The following SYTL2 variants were observed in gnomAD, a reference collection of about 807,000 sequenced individuals.
SYTL2 encodes the protein synaptotagmin like 2.
Under a neutral mutation model 198.7 loss-of-function variants are expected in SYTL2, and 165 were observed. That is an observed-to-expected ratio of 0.83 (90% confidence interval 0.73 to 0.94). SYTL2 has a LOEUF of 0.94. Among genes scored for constraint, SYTL2 ranks in the 40% least tolerant of loss-of-function variants. The pLI, the probability that SYTL2 is intolerant of heterozygous loss-of-function variation, is 0.00. For synonymous variants in SYTL2, 966 were observed against 917.7 expected, an observed-to-expected ratio of 1.05 and a Z score of -0.95; for missense variants, 2,835 against 2,582.8, an observed-to-expected ratio of 1.10 and a Z score of -2.12.
intron 13 of SYTL2, among the ~76,000 whole-genome samples, chr11:85,709,753 G>A (rs1176780745): frequency 1.3e-5 from 2 of 152,082 alleles, no homozygotes; most frequent in Admixed American, 6.5e-5. Flanking sequence ...CTTGATCTCG[G>A]CTCACTGCAA....
At chr11:85,777,154 T>A (rs2092465638) in intron 1 of SYTL2, among the ~76,000 whole-genome samples, 1 of 152,230 alleles carries the variant, frequency 6.6e-6, no homozygotes, top group African/African-American at 2.4e-5. Context: ...GTGGACATTC[T>A]TTAGTCACCT....
At chr11:85,792,526 TA>T (rs1426866754) in intron 1 of SYTL2, among the ~76,000 whole-genome samples, 3 of 151,890 alleles carry the variant, frequency 2.0e-5, no homozygotes, top group Non-Finnish European at 2.9e-5. Context: ...TTGGAAACAA[TA>T]AACCAGTAAG....
chr11:85,734,029 A>G lies in SYTL2; in HGVS notation c.1300T>C (p.Ser434Pro). 6.2e-7 allele frequency: 1 copy of G among 1,613,996 alleles called. No homozygotes were observed. ...TTGATGGTTGGTGAATTCTCCATAG[A>G]CTGTGGTCTTGCAGTTAAAACTTCT... is the stretch of plus-strand genomic sequence containing the variant. ...HSEVLTARPQ[S>P]MENSPTINEP... The change falls in exon 7 of 20, where the codon TCT (serine) becomes CCT (proline). Residue 434 changes from serine (S) to proline (P), a missense_variant. Transcript: ENST00000359152.
At chr11:85,744,695 A>T (rs886539855) in intron 4 of SYTL2, among the ~76,000 whole-genome samples, 1 of 152,204 alleles carries the variant, frequency 6.6e-6, no homozygotes, top group African/African-American at 2.4e-5. Flanking sequence ...TTAGACCCTG[A>T]TTCAGTGACA....
chr11:85,757,633 C>G lies in SYTL2; in HGVS notation c.93G>C (p.Glu31Asp), dbSNP rs1283170635. Residue 31 changes from glutamate (E) to aspartate (D), a missense_variant, in exon 2 of 20, where the codon GAG becomes GAC. By Grantham distance (45) the Glu-to-Asp change is conservative. Coordinates refer to ENST00000359152, the MANE Select transcript of SYTL2 (RefSeq NM_206927.4). ...RDAALKRAEEERVRHLPEKIK... is the reference protein window; with the variant it reads ...RDAALKRAEEDRVRHLPEKIK... The stretch of plus-strand genomic sequence containing the variant: ...CTTCTCTGGCCTCTTACCTGACTCT[C>G]TCTTCTTCGGCCCTCTTCAGAGCAG... 6.2e-7 allele frequency: 1 copy of G among 1,613,794 alleles called. No homozygotes were observed. The highest frequency in any genetic ancestry group is 1.1e-5 in the South Asian group (1 of 91,070).
chr11:85,803,690 A>G (rs2092921990), intron 1 of SYTL2, among the ~76,000 whole-genome samples: 1 of 152,188 alleles, frequency 6.6e-6, no homozygotes, highest in Non-Finnish European at 1.5e-5. Flanking sequence ...ACTCCCCCCA[A>G]AGAGGCAATA....
At chr11:85,699,861 G>C (rs979853673) in intron 17 of SYTL2, among the ~76,000 whole-genome samples, 10 of 152,176 alleles carry the variant, frequency 6.6e-5, no homozygotes, top group Non-Finnish European at 1.5e-4. Flanking sequence ...TAATAATCTT[G>C]AGGGAAAAGC....
intron 1 of SYTL2, among the ~76,000 whole-genome samples, chr11:85,787,014 AGC>A (rs1431402512): frequency 6.6e-6 from 1 of 152,202 alleles, no homozygotes; most frequent in African/African-American, 2.4e-5. Flanking sequence ...GAACCAGATA[AGC>A]TGAAAATTCA....
the SYTL2 span, among the ~76,000 whole-genome samples, chr11:85,833,107 G>A: frequency 5.1e-5 from 3 of 58,678 alleles, no homozygotes; most frequent in Non-Finnish European, 1.1e-4. Flanking sequence ...AAGAAGGAAG[G>A]AAGGAAGGAA....
chr11:85,727,612 T>C lies in SYTL2; in HGVS notation c.1746A>G (p.Glu582=), dbSNP rs1368530150. 5 of 1,536,074 alleles carry C rather than the reference T, an allele frequency of 3.3e-6. No homozygotes were observed. The African/African-American group carries it at 5.5e-5, about 17-fold the overall frequency. The part of the protein sequence containing the change: ...GSKTLSPSKI[E]LKPVRSDSPF... The stretch of plus-strand genomic sequence containing the variant: ...GTGAGTCAGATCTCACAGGCTTCAA[T>C]TCAATTTTGCTGGGTGATAGGGTCT... The change falls in exon 8 of 20, where the codon GAA becomes GAG. Residue 582 remains glutamate (E), a synonymous_variant. Transcript: ENST00000359152.
intron 1 of SYTL2, among the ~76,000 whole-genome samples, chr11:85,762,604 C>A (rs573863601): frequency 2.0e-5 from 3 of 152,350 alleles, no homozygotes; most frequent in African/African-American, 7.2e-5. Flanking sequence ...TCCTTAGGCT[C>A]CAGCCATTCT....
rs2153341862 is a variant in SYTL2 at position 85,695,123 on chromosome 11, C to G, written c.*72G>C. ...GATAGAAAGTGAGGATATTTGTCCA[C>G]CTACTCAGATTTTCAAGATCAGATT... On this transcript the variant is annotated 3_prime_UTR_variant, in exon 20 of 20. Coordinates refer to ENST00000359152, the MANE Select transcript of SYTL2 (RefSeq NM_206927.4). 6.7e-7 allele frequency: 1 copy of G among 1,485,450 alleles called. No homozygotes were observed. The highest frequency in any genetic ancestry group is 1.3e-5 in the South Asian group (1 of 78,174). The allele number at this position is 1,485,450 out of a possible 1,614,324, so 92.0% of individuals were successfully genotyped here.
chr11:85,780,631 A>C (rs1397795401), intron 1 of SYTL2, among the ~76,000 whole-genome samples: 1 of 152,224 alleles, frequency 6.6e-6, no homozygotes, highest in African/African-American at 2.4e-5. Flanking sequence ...CCCTTCTCCC[A>C]TACTTTGCCC....
chr11:85,708,385 A>G (rs1335100843), intron 14 of SYTL2, among the ~76,000 whole-genome samples: 1 of 152,174 alleles, frequency 6.6e-6, no homozygotes, highest in Non-Finnish European at 1.5e-5. Context: ...AATAAAAGAA[A>G]AAAGGATTGC....
the SYTL2 span, among the ~76,000 whole-genome samples, chr11:85,833,032 AAAGAAAGAAAGAAAGAAAGAAAGAAAG>A: frequency 9.2e-4 from 19 of 20,630 alleles, no homozygotes; most frequent in African/African-American, 1.3e-3. Flanking sequence ...AGAAAGAAAG[AAAGAAAGAAAGAAAGAAAGAAAGAAAG>A]AAAGAAAGAA....
the SYTL2 span, among the ~76,000 whole-genome samples, chr11:85,832,278 T>C: frequency 6.6e-6 from 1 of 152,256 alleles, no homozygotes; most frequent in Admixed American, 6.5e-5. Context: ...TTACTAATTC[T>C]ATTTTATAAA....
the SYTL2 span, among the ~76,000 whole-genome samples, chr11:85,821,387 G>A: frequency 2.6e-5 from 4 of 152,252 alleles, no homozygotes; most frequent in East Asian, 1.9e-4. Flanking sequence ...CTTGAGCCAC[G>A]TTAAAGAAAG....
At chr11:85,772,462 CTA>C (rs769484860) in intron 1 of SYTL2, among the ~76,000 whole-genome samples, 11 of 152,284 alleles carry the variant, frequency 7.2e-5, no homozygotes, top group Middle Eastern at 3.4e-3. Flanking sequence ...ATAAAAGGTG[CTA>C]TTACATGGTA....
Position 85,726,363 on chromosome 11 carries a change from C to T in SYTL2, c.2995G>A (p.Asp999Asn). 6.2e-7 allele frequency: 1 copy of T among 1,613,890 alleles called. No individual in the cohort carries two copies. Among genetic ancestry groups the T allele is most frequent in the Middle Eastern group, 1.6e-4 (1 of 6,062 alleles). ...GTGGTGGTAATATTCTTGTCATTAT[C>T]CTTACTGTTTGAATTAGCTTCTAAG... ...WDLEANSNSK[D>N]NDKNITTTSQ... Residue 999 changes from aspartate (D) to asparagine (N), a missense_variant, in exon 8 of 20, where the codon GAT becomes AAT. By Grantham distance (23) the Asp-to-Asn change is conservative. This residue lies in a region of SYTL2 where 2,645 missense variants were observed against 2,381.7 expected (regional missense o/e 1.11). Coordinates refer to ENST00000359152, the MANE Select transcript of SYTL2 (RefSeq NM_206927.4).
Sources: allele counts gnomAD v4.1 joint callset (sites outside exome capture counted in the v4.1 genomes callset), GRCh38; gene constraint gnomAD v4.1.1; regional missense constraint gnomAD v4.1.1; transcripts MANE v1.5; gene names NCBI Gene and HGNC (gene_info 2026-07-23, HGNC 2026-07-21).